FER: variants seen among roughly 807,000 people sequenced by gnomAD.
FER encodes the protein tyrosine-protein kinase Fer.
Under a neutral mutation model 111.0 loss-of-function variants are expected in FER, and 63 were observed. The observed-to-expected ratio is 0.57, with a 90% CI of 0.46 to 0.70. FER has a LOEUF of 0.70. Ranked by LOEUF, FER falls within the 30% of genes least tolerant of loss-of-function variation. The pLI is 0.00. For synonymous variants in FER, 327 were observed against 313.9 expected (o/e 1.04, Z -0.44); for missense variants, 914 against 954.0 (o/e 0.96, Z 0.55).
At chr5:109,068,025 A>T (rs1402889931) in intron 16 of FER, among the ~76,000 whole-genome samples, 3 of 152,024 alleles carry the variant, frequency 2.0e-5, no homozygotes, top group East Asian at 1.9e-4. Flanking sequence ...GTCAGAAAGT[A>T]TTTTTTTTCT....
At chr5:108,765,154 G>A (rs1251359523) in intron 1 of FER, among the ~76,000 whole-genome samples, 2 of 152,136 alleles carry the variant, frequency 1.3e-5, no homozygotes, top group Non-Finnish European at 1.5e-5. Context: ...TGTTATGTAT[G>A]GAAACGTTTG....
Position 109,188,864 on chromosome 5 carries a change from T to TGTCA in FER, c.*1291_*1294dup, listed in dbSNP as rs1759159348. Reference sequence around the variant, plus strand: ...CTTTATTTGTACCAGTTTTTAGAGCTGTCAGAATTTCATGATTCTAGTTCA... The same window carrying TGTCA: ...CTTTATTTGTACCAGTTTTTAGAGCTGTCAGTCAGAATTTCATGATTCTAGTTCA... On this transcript the variant is annotated 3_prime_UTR_variant, in exon 20 of 20. Coordinates refer to ENST00000281092, the MANE Select transcript of FER (RefSeq NM_005246.4). 6.6e-6 allele frequency: 1 copy of TGTCA among 152,196 alleles called. No individual in the cohort carries two copies. The highest frequency in any genetic ancestry group is 2.4e-5 in the African/African-American group (1 of 41,450). The allele number at this position is 152,196 out of a possible 1,614,324, so 9.4% of individuals were successfully genotyped here. A position where few individuals can be genotyped will look rare whatever the true frequency, so the allele number is the denominator to read the frequency against.
chr5:109,116,055 T>G (rs999808676), intron 17 of FER, among the ~76,000 whole-genome samples: 16 of 152,048 alleles, frequency 1.1e-4, no homozygotes, highest in Non-Finnish European at 2.2e-4. Flanking sequence ...TAAAGTGGCT[T>G]GAATTGGGGA....
intron 10 of FER, among the ~76,000 whole-genome samples, chr5:108,910,217 A>T (rs1352141874): frequency 6.6e-6 from 1 of 152,208 alleles, no homozygotes; most frequent in Non-Finnish European, 1.5e-5. Context: ...GAAAATAATG[A>T]TTAAGAAATG....
chr5:108,751,466 G>T (rs1750500269), intron 1 of FER, among the ~76,000 whole-genome samples: 1 of 152,126 alleles, frequency 6.6e-6, no homozygotes, highest in Admixed American at 6.5e-5. Flanking sequence ...GAAATCTGAT[G>T]AACTTGTTAT....
At chr5:108,875,967 C>T (rs188268518) in intron 8 of FER, among the ~76,000 whole-genome samples, 1 of 152,234 alleles carries the variant, frequency 6.6e-6, no homozygotes, top group Admixed American at 6.5e-5. Flanking sequence ...AAAACAAAAT[C>T]TAGTCTCAGG....
intron 17 of FER, among the ~76,000 whole-genome samples, chr5:109,172,190 C>G (rs368798092): frequency 6.6e-6 from 1 of 151,726 alleles, no homozygotes; most frequent in Non-Finnish European, 1.5e-5. Context: ...CACACGTATG[C>G]TTATTGCGGC....
chr5:108,811,661 A>G (rs903150065), intron 3 of FER, among the ~76,000 whole-genome samples: 1 of 152,286 alleles, frequency 6.6e-6, no homozygotes, highest in South Asian at 2.1e-4. Flanking sequence ...ATGGAAGTCT[A>G]AAAGACACAC....
intron 2 of FER, chr5:108,785,464 CT>C (rs1341720335): frequency 1.7e-6 from 1 of 575,982 alleles, no homozygotes; most frequent in Non-Finnish European, 3.5e-6. Context: ...CCCAGTGTAC[CT>C]CCCTGGCCTG....
At chr5:109,079,093 G>A (rs1776694480) in intron 16 of FER, among the ~76,000 whole-genome samples, 2 of 151,974 alleles carry the variant, frequency 1.3e-5, no homozygotes, top group African/African-American at 4.8e-5. Flanking sequence ...AGATGAATTT[G>A]TATACATTCT....
At chr5:108,801,165 G>T (rs1756602844) in intron 3 of FER, among the ~76,000 whole-genome samples, 1 of 152,164 alleles carries the variant, frequency 6.6e-6, no homozygotes, top group South Asian at 2.1e-4. Flanking sequence ...TTTAATTTTT[G>T]TACATGTGGC....
intron 18 of FER, among the ~76,000 whole-genome samples, chr5:109,182,377 T>C (rs1279229530): frequency 6.6e-6 from 1 of 152,188 alleles, no homozygotes; most frequent in Non-Finnish European, 1.5e-5. Flanking sequence ...TTTCTAGTGA[T>C]TGCAAGCCAG....
chr5:109,010,314 C>T (rs973550078), intron 13 of FER, among the ~76,000 whole-genome samples: 11 of 152,052 alleles, frequency 7.2e-5, no homozygotes, highest in East Asian at 1.9e-4. Context: ...CCCGCCACCA[C>T]GCCTGGCTAA....
At position 108,898,607 on chromosome 5, in the gene FER, TTTCC is replaced by T. The variant is rs974127712; in HGVS notation, c.1236+778_1236+781del. Among the ~76,000 whole-genome samples the T allele has an allele frequency of 4.5e-3, 512 of 114,892 alleles. 5 individuals are homozygous for T. The highest frequency in any genetic ancestry group is 0.013 in the African/African-American group (398 of 30,682). 75.4% of individuals were successfully genotyped at this position (114,892 alleles called of 152,430 possible). On this transcript the variant is annotated intron_variant, in intron 10 of 19. Coordinates refer to ENST00000281092, the MANE Select transcript of FER (RefSeq NM_005246.4). ...TCCCCTCCCCTCCCTTCCCCTCCCC[TTTCC>T]TTCCTTCCTTCCTTCCTTTCTTTTT...
intron 5 of FER, chr5:108,836,025 A>G (rs1429422708): frequency 3.8e-6 from 1 of 263,390 alleles, no homozygotes. Context: ...TTCATACTAA[A>G]TGGAATTATG....
At chr5:109,131,982 C>T (rs1055746074) in intron 17 of FER, among the ~76,000 whole-genome samples, 4 of 152,102 alleles carry the variant, frequency 2.6e-5, no homozygotes, top group Non-Finnish European at 1.5e-5. Context: ...CTATATGTTA[C>T]CCATCTCATA....
At chr5:109,002,745 G>C (rs1764962085) in intron 13 of FER, among the ~76,000 whole-genome samples, 1 of 152,020 alleles carries the variant, frequency 6.6e-6, no homozygotes. Context: ...CTAATATCCA[G>C]AATCTACAAT....
At chr5:108,884,966 G>T (rs1746885114) in intron 9 of FER, among the ~76,000 whole-genome samples, 1 of 151,798 alleles carries the variant, frequency 6.6e-6, no homozygotes, top group South Asian at 2.1e-4. Context: ...TTGGCCTTTG[G>T]AACTCAAAAT....
intron 13 of FER, among the ~76,000 whole-genome samples, chr5:108,970,300 C>G (rs1048667874): frequency 6.6e-6 from 1 of 151,946 alleles, no homozygotes; most frequent in Admixed American, 6.5e-5. Context: ...ACTGCAAGCT[C>G]TGCCTCTCAG....
Sources: gnomAD v4.1 joint callset for allele counts (sites outside exome capture counted in the v4.1 genomes callset) on GRCh38, gnomAD v4.1.1 for gene constraint, MANE v1.5 for transcripts, NCBI Gene and HGNC (gene_info 2026-07-23, HGNC 2026-07-21) for gene names.